Variants in PAPSS1 observed in about 807,000 individuals in gnomAD.
PAPSS1 encodes 3'-phosphoadenosine 5'-phosphosulfate synthase 1.
A neutral mutation model predicts 72.0 loss-of-function variants in PAPSS1; 50 were observed. The ratio of observed to expected loss-of-function variants is 0.69; its 90% CI spans 0.55 to 0.88. PAPSS1 has a LOEUF of 0.88. PAPSS1 is among the 40% of genes least tolerant of loss of function. The pLI, the probability that PAPSS1 is intolerant of heterozygous loss-of-function variation, is 0.00. For missense variants in PAPSS1, 657 were observed against 782.2 expected, an observed-to-expected ratio of 0.84 and a Z score of 1.91; for synonymous variants, 261 against 263.6, an observed-to-expected ratio of 0.99 and a Z score of 0.09.
intron 1 of PAPSS1, among the ~76,000 whole-genome samples, chr4:107,705,416 T>C (rs1723316400): frequency 6.6e-6 from 1 of 152,186 alleles, no homozygotes; most frequent in Non-Finnish European, 1.5e-5. Flanking sequence ...CCTTGTTCTC[T>C]CTCTCCTGCC....
rs77837409 is a variant in PAPSS1, at chr4:107,716,462, T to C, written c.60+3658A>G. 7.5e-3 allele frequency among the ~76,000 whole-genome samples: 1,147 copies of C among 152,264 alleles called. 13 individuals carry two copies. Among genetic ancestry groups the C allele is most frequent in the Non-Finnish European group, 0.013 (897 of 68,020 alleles). On this transcript the variant is annotated intron_variant, in intron 1 of 11. Transcript: ENST00000265174. Reference sequence around the variant, plus strand: ...ATGGAAAAGCAAACCAGAGACTGCATATGCTTCTTAATGTCACGTCCAGTT... The same window carrying C: ...ATGGAAAAGCAAACCAGAGACTGCACATGCTTCTTAATGTCACGTCCAGTT...
chr4:107,693,034 GA>G (rs551864003), intron 3 of PAPSS1, among the ~76,000 whole-genome samples: 48 of 152,218 alleles, frequency 3.2e-4, no homozygotes, highest in Admixed American at 2.9e-3. Context: ...ATAGCTAATG[GA>G]TGCTGGGCTT....
intron 3 of PAPSS1, among the ~76,000 whole-genome samples, chr4:107,689,330 T>G (rs1048817776): frequency 5.3e-5 from 8 of 152,118 alleles, no homozygotes; most frequent in Admixed American, 4.6e-4. Context: ...TGTTTCTACC[T>G]TAGGCCTCCC....
chr4:107,654,661 A>G (rs1416235579), intron 8 of PAPSS1, 34 bp downstream of exon 8: 15 of 1,542,622 alleles, frequency 9.7e-6, no homozygotes, highest in Non-Finnish European at 1.3e-5. Context: ...TCATTGGCAA[A>G]TCAAGATAAA....
intron 2 of PAPSS1, among the ~76,000 whole-genome samples, chr4:107,696,449 C>A (rs1723065751): frequency 1.3e-5 from 2 of 152,144 alleles, no homozygotes; most frequent in Admixed American, 1.3e-4. Context: ...TGGAAGCCAT[C>A]ATCCTCGGCA....
At chr4:107,697,355 C>A (rs1176774804) in intron 2 of PAPSS1, among the ~76,000 whole-genome samples, 1 of 152,098 alleles carries the variant, frequency 6.6e-6, no homozygotes, top group Non-Finnish European at 1.5e-5. Flanking sequence ...GGGTTTTAGG[C>A]AAATTGTTAC....
chr4:107,654,881 T>A lies in PAPSS1; in HGVS notation c.915A>T (p.Ser305=). 1 of 1,613,820 alleles carries A rather than the reference T, an allele frequency of 6.2e-7. No homozygotes were observed. Among genetic ancestry groups the A allele is most frequent in the South Asian group, 1.1e-5 (1 of 91,066 alleles). ...CLLDGGVINL[S]VPIVLTATHE... is the part of the protein sequence containing the mutation. ...GAGTCGCAGTCAGAACTATAGGTAC[T>A]GACAAGTTAATGACACCTCCTGCAG... Residue 305 remains serine (S), a synonymous_variant, in exon 8 of 12, where the codon TCA becomes TCT. Transcript: ENST00000265174.
rs1477650705 is a variant in PAPSS1 at position 107,644,968 on chromosome 4, G to A, written c.1340C>T (p.Pro447Leu). Residue 447 changes from proline (P) to leucine (L), a missense_variant, in exon 10 of 12, where the codon CCT becomes CTT. Transcript: ENST00000265174. ...ACCCAGAGGGTGGAGGAGGAGGACA[G>A]GGCGCCGGTAGCCCCTCTCTAGAAG... Reference protein sequence around the residue: ...KQLLERGYRRPVLLLHPLGGW... With the variant: ...KQLLERGYRRLVLLLHPLGGW... 6.2e-7 allele frequency: 1 copy of A among 1,613,754 alleles called. No individual in the cohort carries two copies. Among genetic ancestry groups the A allele is most frequent in the Admixed American group, 1.7e-5 (1 of 59,986 alleles).
At chr4:107,714,396 T>C (rs776359599) in intron 1 of PAPSS1, among the ~76,000 whole-genome samples, 26 of 152,176 alleles carry the variant, frequency 1.7e-4, no homozygotes, top group Non-Finnish European at 3.4e-4. Flanking sequence ...CCTGAGAACA[T>C]TCTCTCTACT....
rs1182587037 is a variant in PAPSS1, at chr4:107,651,116, C to T, written c.1237+2375G>A. 3.9e-5 allele frequency among the ~76,000 whole-genome samples: 6 copies of T among 152,158 alleles called. No individual in the cohort carries two copies. In the South Asian group the frequency reaches 6.2e-4, roughly 16 times the overall value. On this transcript the variant is annotated intron_variant, in intron 9 of 11. Transcript: ENST00000265174. ...CCAAGTATAGCACTCAAAGAAGTTTCTGTATCAGTAATTTAAGCCAAATAT... is the reference window on the plus strand; with the variant it reads ...CCAAGTATAGCACTCAAAGAAGTTTTTGTATCAGTAATTTAAGCCAAATAT...
At chr4:107,644,610 C>T (rs924757054) in intron 10 of PAPSS1, among the ~76,000 whole-genome samples, 192 bp downstream of exon 10, 14 of 152,178 alleles carry the variant, frequency 9.2e-5, no homozygotes, top group Non-Finnish European at 2.9e-5. Context: ...GAAACCTCTC[C>T]CCACCTTTCC....
At position 107,672,237 on chromosome 4, in the gene PAPSS1, C is replaced by T. The variant is rs544177414; in HGVS notation, c.669+9778G>A. On this transcript the variant is annotated intron_variant, in intron 5 of 11. Coordinates refer to ENST00000265174, the MANE Select transcript of PAPSS1 (RefSeq NM_005443.5). ...AGTGGGTGCAGGACAGTGGGTGCAG[C>T]GCACCAAGCATGAGATGAAGCAGGG... is the stretch of plus-strand genomic sequence containing the variant. Among the ~76,000 whole-genome samples the T allele has an allele frequency of 1.1e-4, 17 of 152,234 alleles. No homozygotes were observed. In the South Asian group the frequency reaches 1.7e-3, roughly 15 times the overall value.
intron 5 of PAPSS1, among the ~76,000 whole-genome samples, chr4:107,671,821 T>A (rs1357526315): frequency 6.6e-6 from 1 of 152,216 alleles, no homozygotes; most frequent in East Asian, 1.9e-4. Flanking sequence ...TATATAATTG[T>A]ATTCTTTTTA....
chr4:107,614,352 A>AT lies in PAPSS1; in HGVS notation c.1771dup (p.Met591AsnfsTer13). 6.2e-7 allele frequency: 1 copy of AT among 1,613,986 alleles called. No homozygotes were observed. Among genetic ancestry groups the AT allele is most frequent in the Non-Finnish European group, 8.5e-7 (1 of 1,179,866 alleles). On this transcript the variant is annotated frameshift_variant, in exon 12 of 12. Coordinates refer to ENST00000265174, the MANE Select transcript of PAPSS1 (RefSeq NM_005443.5). LOFTEE classifies it high-confidence loss of function. ...CTGGCCTTCTCGAGCAAGTTTGCGC[A>AT]TTCGTGTTCCTGAAATAAATTCAAA...
At chr4:107,695,801 A>G (rs985969402) in intron 2 of PAPSS1, among the ~76,000 whole-genome samples, 2 of 152,250 alleles carry the variant, frequency 1.3e-5, no homozygotes, top group South Asian at 2.1e-4. Flanking sequence ...ACTGATTTGC[A>G]TATGTGGAGA....
intron 2 of PAPSS1, among the ~76,000 whole-genome samples, chr4:107,695,438 A>T (rs2522424): frequency 0.82 from 124,487 of 152,098 alleles, 53,056 homozygotes; most frequent in South Asian, 0.95. Context: ...ATCTGCAAAC[A>T]GGGACAATTT....
At position 107,719,896 on chromosome 4, in the gene PAPSS1, A is replaced by G. The variant is rs914777191; in HGVS notation, c.60+224T>C. 27 of 1,357,448 alleles carry G rather than the reference A, an allele frequency of 2.0e-5. No homozygotes were observed. The African/African-American group carries it at 3.4e-4, about 17-fold the overall frequency. The allele number at this position is 1,357,448 out of a possible 1,614,324, so 84.1% of individuals were successfully genotyped here. On this transcript the variant is annotated intron_variant, in intron 1 of 11. Transcript: ENST00000265174. ...GTTCTTCCCACGAACGGTGGCTCGG[A>G]CCGCACGCTGCGCCAAGCTAGGGCG...
intron 10 of PAPSS1, among the ~76,000 whole-genome samples, chr4:107,635,991 G>A (rs1190055483): frequency 1.3e-5 from 2 of 152,142 alleles, no homozygotes; most frequent in Non-Finnish European, 2.9e-5. Context: ...CAAAGTCAGT[G>A]ACAAAGCAGG....
intron 5 of PAPSS1, among the ~76,000 whole-genome samples, chr4:107,674,251 G>A (rs1727577477): frequency 6.6e-6 from 1 of 152,138 alleles, no homozygotes; most frequent in Non-Finnish European, 1.5e-5. Context: ...ATTGGATAAA[G>A]AGTCAAGACC....
Sources: gnomAD v4.1 joint callset for allele counts (sites outside exome capture counted in the v4.1 genomes callset) on GRCh38, gnomAD v4.1.1 for gene constraint, MANE v1.5 for transcripts, NCBI Gene and HGNC (gene_info 2026-07-23, HGNC 2026-07-21) for gene names.